The following RBMS1 variants were observed in gnomAD, a reference collection of about 807,000 sequenced individuals.
RBMS1 encodes the protein RNA binding motif single stranded interacting protein 1.
RBMS1 carries 17 observed loss-of-function variants against 62.3 expected under a neutral mutation model. The ratio of observed to expected loss-of-function variants is 0.27; its 90% confidence interval spans 0.19 to 0.41. The LOEUF (loss-of-function observed/expected upper bound fraction) is 0.41. Among genes scored for constraint, RBMS1 ranks in the 10% least tolerant of loss-of-function variants. The pLI is 1.00. For synonymous variants in RBMS1, 172 were observed against 170.0 expected (o/e 1.01, Z -0.09); for missense variants, 334 against 504.5 (o/e 0.66, Z 3.24).
chr2:160,343,256 T>C lies in RBMS1; in HGVS notation c.251+23960A>G, dbSNP rs150781659. On this transcript the variant is annotated intron_variant, in intron 2 of 13. Coordinates refer to ENST00000348849, the MANE Select transcript of RBMS1 (RefSeq NM_016836.4). ...TATTTCTAAAAATAAAGGCAGAGTG[T>C]GCATTACTTGTATGTTCAAAGATGG... Among the ~76,000 whole-genome samples, 1,458 of 152,346 alleles carry C rather than the reference T, an allele frequency of 9.6e-3. 22 individuals carry two copies. The highest frequency in any genetic ancestry group is 0.033 in the African/African-American group (1,369 of 41,586).
At chr2:160,339,946 A>C (rs1325783475) in intron 2 of RBMS1, among the ~76,000 whole-genome samples, 1 of 152,124 alleles carries the variant, frequency 6.6e-6, no homozygotes, top group Non-Finnish European at 1.5e-5. Flanking sequence ...CTGATGTCTC[A>C]GTCATTCTCA....
In RBMS1 at chr2:160,493,558, TC is replaced by T; in HGVS notation, c.-196del. 6.5e-6 allele frequency: 4 copies of T among 611,402 alleles called. No homozygotes were observed. Among genetic ancestry groups the T allele is most frequent in the Non-Finnish European group, 1.2e-5 (4 of 347,452 alleles). The allele number at this position is 611,402 out of a possible 1,614,324, so 37.9% of individuals were successfully genotyped here. ...CTCCTCCTCTTCCTCCTCCTCCTCC[TC>T]CTCCTCCTCCTCTTCCTCCTCCTCC... On this transcript the variant is annotated 5_prime_UTR_variant, in exon 1 of 14. Coordinates refer to ENST00000348849, the MANE Select transcript of RBMS1 (RefSeq NM_016836.4).
At chr2:160,290,210 T>C (rs1265422510) in intron 6 of RBMS1, among the ~76,000 whole-genome samples, 4 of 150,358 alleles carry the variant, frequency 2.7e-5, no homozygotes, top group Non-Finnish European at 2.9e-5. Flanking sequence ...TATGTGACAG[T>C]AGCTTGTTCT....
intron 6 of RBMS1, among the ~76,000 whole-genome samples, chr2:160,292,329 A>G (rs564418558): frequency 2.6e-5 from 4 of 152,370 alleles, no homozygotes; most frequent in African/African-American, 9.6e-5. Context: ...AGTTAACATA[A>G]TAAGTGCTTA....
intron 8 of RBMS1, 62 bp downstream of exon 8, chr2:160,284,933 T>C (rs2105934808): frequency 6.4e-7 from 1 of 1,570,968 alleles, no homozygotes; most frequent in Admixed American, 1.7e-5. Context: ...GGAACAAATG[T>C]CTGATATTTT....
intron 2 of RBMS1, among the ~76,000 whole-genome samples, chr2:160,344,954 A>G (rs149176035): frequency 6.6e-6 from 1 of 152,290 alleles, no homozygotes; most frequent in Non-Finnish European, 1.5e-5. Context: ...AGACATTTCT[A>G]GCTATGAGTC....
chr2:160,327,588 G>C (rs1386076083), intron 2 of RBMS1, among the ~76,000 whole-genome samples: 1 of 151,964 alleles, frequency 6.6e-6, no homozygotes, highest in Admixed American at 6.6e-5. Context: ...ATTATTTTAT[G>C]GTCTTTTAAG....
intron 1 of RBMS1, among the ~76,000 whole-genome samples, chr2:160,419,185 C>A (rs912908666): frequency 6.6e-6 from 1 of 151,992 alleles, no homozygotes; most frequent in African/African-American, 2.4e-5. Context: ...TTTGTAATTT[C>A]TTGATTGATT....
intron 10 of RBMS1, 22 bp from the exon 11 acceptor site, chr2:160,278,680 C>A: frequency 6.9e-7 from 1 of 1,454,214 alleles, no homozygotes; most frequent in Non-Finnish European, 9.5e-7. Flanking sequence ...GAGACAGGAG[C>A]AAAATTAGAC....
chr2:160,398,640 C>G (rs1370800973), intron 1 of RBMS1, among the ~76,000 whole-genome samples: 3 of 152,128 alleles, frequency 2.0e-5, no homozygotes, highest in African/African-American at 7.2e-5. Context: ...ATTCAACAAT[C>G]CCTCTCCAAT....
At chr2:160,370,616 A>G (rs1693675052) in intron 1 of RBMS1, among the ~76,000 whole-genome samples, 1 of 152,272 alleles carries the variant, frequency 6.6e-6, no homozygotes, top group African/African-American at 2.4e-5. Context: ...CCACACATTT[A>G]GAAGGTGGCA....
intron 1 of RBMS1, among the ~76,000 whole-genome samples, chr2:160,382,096 T>C (rs1559477681): frequency 6.6e-6 from 1 of 152,176 alleles, no homozygotes; most frequent in African/African-American, 2.4e-5. Context: ...AAGCTTTATG[T>C]GTTTGGTGAA....
intron 1 of RBMS1, among the ~76,000 whole-genome samples, chr2:160,411,224 ACCC>A (rs1696019088): frequency 6.6e-6 from 1 of 152,086 alleles, no homozygotes; most frequent in African/African-American, 2.4e-5. Flanking sequence ...TCCAATTCTC[ACCC>A]TTGGGGATTT....
At chr2:160,320,033 ATC>A (rs1690467357) in intron 2 of RBMS1, among the ~76,000 whole-genome samples, 1 of 152,224 alleles carries the variant, frequency 6.6e-6, no homozygotes, top group African/African-American at 2.4e-5. Flanking sequence ...CAAAGAAATA[ATC>A]TATAAAAATC....
chr2:160,367,056 G>A, intron 2 of RBMS1, 160 bp downstream of exon 2: 2 of 585,072 alleles, frequency 3.4e-6, no homozygotes, highest in East Asian at 6.0e-5. Context: ...GACTCAAAAA[G>A]TATTTAAGAA....
rs6725626 is a variant in RBMS1, at chr2:160,438,916, G to C, written c.75+54373C>G. 2.0e-5 allele frequency among the ~76,000 whole-genome samples: 3 copies of C among 149,042 alleles called. 1 individual carries two copies. The South Asian group carries it at 6.5e-4, about 32-fold the overall frequency. ...GACTCCCCCCACCTCCCTCCTGGAC[G>C]GGGCGGCTGGCCGGGCAGAGGGGCT... On this transcript the variant is annotated intron_variant, in intron 1 of 13. Transcript: ENST00000348849.
Position 160,487,065 on chromosome 2 carries a change from C to G in RBMS1, c.75+6224G>C, listed in dbSNP as rs1685628390. ...TGAAATAAATTAATTGAATATGAAA[C>G]TTTAAGGAGAAGTTAACATAAAGTA... On this transcript the variant is annotated intron_variant, in intron 1 of 13. Transcript: ENST00000348849. Among the ~76,000 whole-genome samples the G allele has an allele frequency of 2.0e-5, 3 of 152,020 alleles. No homozygotes were observed. The South Asian group carries it at 6.2e-4, about 32-fold the overall frequency.
intron 1 of RBMS1, among the ~76,000 whole-genome samples, chr2:160,461,852 G>A (rs1230535087): frequency 1.3e-5 from 2 of 152,300 alleles, no homozygotes; most frequent in East Asian, 3.9e-4. Context: ...GGACTTGCTG[G>A]TTATTTTCTT....
chr2:160,356,942 A>AT (rs530409505), intron 2 of RBMS1, among the ~76,000 whole-genome samples: 18 of 152,074 alleles, frequency 1.2e-4, no homozygotes, highest in African/African-American at 3.9e-4. Context: ...ATTACACAGA[A>AT]TTTTTTTTCA....
Sources: allele counts gnomAD v4.1 joint callset (sites outside exome capture counted in the v4.1 genomes callset), GRCh38; gene constraint gnomAD v4.1.1; transcripts MANE v1.5; gene names NCBI Gene and HGNC (gene_info 2026-07-23, HGNC 2026-07-21).